Variants in GRM7 observed in about 807,000 individuals in gnomAD.
The protein encoded by GRM7 is metabotropic glutamate receptor 7.
Under a neutral mutation model 84.5 loss-of-function variants are expected in GRM7, and 35 were observed. That is an observed-to-expected ratio of 0.41 (90% confidence interval 0.32 to 0.55). The LOEUF (loss-of-function observed/expected upper bound fraction) is 0.55. GRM7 is among the 20% of genes least tolerant of loss of function. The probability of loss-of-function intolerance (pLI) is 0.19; values close to 1 mark genes in which losing one functional copy is unlikely to be tolerated. For synonymous variants in GRM7, 487 were observed against 455.1 expected, an observed-to-expected ratio of 1.07 and a Z score of -0.89; for missense variants, 1,003 against 1,194.6, an observed-to-expected ratio of 0.84 and a Z score of 2.36.
chr3:7,711,099 T>C (rs887042150), intron 9 of GRM7, among the ~76,000 whole-genome samples: 1 of 152,188 alleles, frequency 6.6e-6, no homozygotes, highest in East Asian at 1.9e-4. Flanking sequence ...TTAGACACAG[T>C]GGTATCCACG....
chr3:7,407,506 A>G (rs187015143), intron 4 of GRM7, among the ~76,000 whole-genome samples: 1 of 152,318 alleles, frequency 6.6e-6, no homozygotes, highest in Admixed American at 6.5e-5. Context: ...AACAAAAGGA[A>G]AGGAACCTGC....
In GRM7 at chr3:6,890,198, A is replaced by G. The variant is rs374284934; in HGVS notation, c.519+28291A>G. On this transcript the variant is annotated intron_variant, in intron 1 of 9. Coordinates refer to ENST00000357716, the MANE Select transcript of GRM7 (RefSeq NM_000844.4). ...AAAAAACCAGCTCCTAGATTCATTA[A>G]TTTTTTGAAGGGTTTTTTGTGTCTC... is the stretch of plus-strand genomic sequence containing the variant. Among the ~76,000 whole-genome samples the G allele has an allele frequency of 1.4e-4, 22 of 152,146 alleles. 1 individual carries two copies. The East Asian group carries it at 3.9e-3, about 27-fold the overall frequency.
chr3:7,010,704 G>A (rs1212039986), intron 1 of GRM7, among the ~76,000 whole-genome samples: 3 of 152,176 alleles, frequency 2.0e-5, no homozygotes, highest in Non-Finnish European at 4.4e-5. Context: ...GTTGAGAAGA[G>A]TGTTCAGAGG....
At chr3:6,920,449 G>A (rs1259945720) in intron 1 of GRM7, among the ~76,000 whole-genome samples, 1 of 152,030 alleles carries the variant, frequency 6.6e-6, no homozygotes, top group Non-Finnish European at 1.5e-5. Flanking sequence ...AAGCTGCTCA[G>A]GAGGCCGAGG....
chr3:7,713,878 G>C (rs796713135), intron 9 of GRM7, among the ~76,000 whole-genome samples: 1 of 142,758 alleles, frequency 7.0e-6, no homozygotes, highest in Non-Finnish European at 1.5e-5. Context: ...TGCCTGGGAA[G>C]TGGAAACACA....
At chr3:7,332,809 C>T (rs1355807270) in intron 4 of GRM7, among the ~76,000 whole-genome samples, 1 of 152,146 alleles carries the variant, frequency 6.6e-6, no homozygotes, top group Non-Finnish European at 1.5e-5. Context: ...TCAGCAAGCC[C>T]CACCCAACGA....
intron 1 of GRM7, among the ~76,000 whole-genome samples, chr3:7,099,784 G>A (rs1217755521): frequency 1.2e-5 from 1 of 83,824 alleles, no homozygotes; most frequent in African/African-American, 1.1e-4. Flanking sequence ...CATTATACAT[G>A]TGCACATACA....
chr3:7,080,898 A>G (rs183644035), intron 1 of GRM7, among the ~76,000 whole-genome samples: 3 of 152,200 alleles, frequency 2.0e-5, no homozygotes, highest in East Asian at 1.9e-4. Context: ...TATTTAGCAA[A>G]TGAATTAATC....
chr3:7,187,931 C>T (rs1335512838), intron 2 of GRM7, among the ~76,000 whole-genome samples: 2 of 152,114 alleles, frequency 1.3e-5, no homozygotes, highest in South Asian at 2.1e-4. Context: ...TCAGTTGTCT[C>T]AATGCCTAGT....
chr3:7,280,706 A>G (rs1161330398), intron 2 of GRM7, among the ~76,000 whole-genome samples: 1 of 152,222 alleles, frequency 6.6e-6, no homozygotes, highest in East Asian at 1.9e-4. Flanking sequence ...GTGCTTTGTA[A>G]AATTCTATAG....
intron 2 of GRM7, among the ~76,000 whole-genome samples, chr3:7,191,738 C>T (rs1462678360): frequency 6.6e-6 from 1 of 151,138 alleles, no homozygotes; most frequent in Non-Finnish European, 1.5e-5. Context: ...AGTTACTGAT[C>T]AAGGGTAAAG....
chr3:7,311,597 AT>A (rs35146664), intron 4 of GRM7, among the ~76,000 whole-genome samples: 87 of 144,352 alleles, frequency 6.0e-4, no homozygotes, highest in Admixed American at 1.3e-3. Context: ...GTTTCAATAC[AT>A]TTTTTTTTTT....
chr3:7,583,307 A>G (rs1046225853), intron 8 of GRM7, among the ~76,000 whole-genome samples: 1 of 152,190 alleles, frequency 6.6e-6, no homozygotes, highest in Admixed American at 6.5e-5. Context: ...TCTGCATGTA[A>G]CAGATAGCCC....
intron 8 of GRM7, among the ~76,000 whole-genome samples, chr3:7,677,262 TAAAAAAAAAA>T (rs557488794): frequency 2.7e-5 from 1 of 36,984 alleles, no homozygotes; most frequent in East Asian, 4.7e-4. Flanking sequence ...ACTCTGTCTT[TAAAAAAAAAA>T]AAAAAAAAAA....
At position 7,452,666 on chromosome 3, in the gene GRM7, A is replaced by C; in HGVS notation, c.1234A>C (p.Ile412Leu). 1.2e-6 allele frequency: 2 copies of C among 1,613,526 alleles called. No homozygotes were observed. Among genetic ancestry groups the C allele is most frequent in the Non-Finnish European group, 8.5e-7 (1 of 1,179,610 alleles). The change falls in exon 6 of 10, where the codon ATT becomes CTT. Residue 412 changes from isoleucine (I) to leucine (L), a missense_variant. Coordinates refer to ENST00000357716, the MANE Select transcript of GRM7 (RefSeq NM_000844.4). ...YEQEGKVQFV[I>L]DAVYAMAHAL... Reference sequence around the variant, plus strand: ...GCAGGAGGGTAAAGTCCAGTTCGTGATTGACGCAGTCTATGCTATGGCTCA... The same window carrying C: ...GCAGGAGGGTAAAGTCCAGTTCGTGCTTGACGCAGTCTATGCTATGGCTCA...
At chr3:6,959,772 C>T (rs1453423326) in intron 1 of GRM7, among the ~76,000 whole-genome samples, 1 of 152,110 alleles carries the variant, frequency 6.6e-6, no homozygotes, top group Non-Finnish European at 1.5e-5. Context: ...GGATCATCAG[C>T]CCATAATCAT....
At chr3:7,569,480 C>T (rs1399178928) in intron 7 of GRM7, among the ~76,000 whole-genome samples, 1 of 152,156 alleles carries the variant, frequency 6.6e-6, no homozygotes, top group Non-Finnish European at 1.5e-5. Context: ...CCACTGGGCT[C>T]TCTGTAAAAT....
intron 4 of GRM7, among the ~76,000 whole-genome samples, chr3:7,381,804 A>G (rs992534736): frequency 6.6e-5 from 10 of 152,188 alleles, no homozygotes; most frequent in Admixed American, 1.3e-4. Flanking sequence ...TATCCTATCA[A>G]TGTGATCTTA....
chr3:7,468,751 G>C (rs932812286), intron 7 of GRM7, among the ~76,000 whole-genome samples: 1 of 152,008 alleles, frequency 6.6e-6, no homozygotes, highest in African/African-American at 2.4e-5. Context: ...TAGTGAGTGA[G>C]TTTTCATGAG....
Sources: allele counts gnomAD v4.1 joint callset (sites outside exome capture counted in the v4.1 genomes callset), GRCh38; gene constraint gnomAD v4.1.1; transcripts MANE v1.5; gene names NCBI Gene and HGNC (gene_info 2026-07-23, HGNC 2026-07-21).